The following FUT9 variants were observed in gnomAD, a reference collection of about 807,000 sequenced individuals.
FUT9 encodes the protein fucosyltransferase 9, also known as 4-galactosyl-N-acetylglucosaminide 3-alpha-L-fucosyltransferase 9.
In FUT9, 15 loss-of-function variants were observed where a neutral mutation model predicts 29.7. That is an observed-to-expected ratio of 0.51 (90% CI 0.34 to 0.78). FUT9 has a LOEUF of 0.78. FUT9 is among the 30% of genes least tolerant of loss of function. The pLI is 0.01. For missense variants in FUT9, 319 were observed against 425.4 expected, an observed-to-expected ratio of 0.75 and a Z score of 2.20; for synonymous variants, 169 against 153.7, an observed-to-expected ratio of 1.10 and a Z score of -0.74.
At chr6:96,037,238 C>T (rs1213004561) in intron 1 of FUT9, 1 of 151,894 alleles carries the variant, frequency 6.6e-6, no homozygotes, top group African/African-American at 2.4e-5. Flanking sequence ...GAATCAGTCC[C>T]ATTTTTAGAT....
chr6:96,181,246 T>C lies in FUT9; in HGVS notation c.-8-21902T>C, dbSNP rs1334424335. Among the ~76,000 whole-genome samples the C allele has an allele frequency of 8.6e-5, 13 of 151,974 alleles. No homozygotes were observed. In the Admixed American group the frequency reaches 8.6e-4, roughly 10 times the overall value. ...TGTGTCCAGTATCAAGCTTTACCTG[T>C]AGTTTAAGGATCCAATCAATGAAGA... On this transcript the variant is annotated intron_variant, in intron 2 of 2. Coordinates refer to ENST00000302103, the MANE Select transcript of FUT9 (RefSeq NM_006581.4).
intron 2 of FUT9, among the ~76,000 whole-genome samples, chr6:96,171,876 C>T (rs1773119122): frequency 6.6e-6 from 1 of 152,122 alleles, no homozygotes; most frequent in Non-Finnish European, 1.5e-5. Flanking sequence ...AATTACCTAG[C>T]AGAATAAAGA....
intron 2 of FUT9, among the ~76,000 whole-genome samples, chr6:96,141,622 G>A (rs1040840854): frequency 1.3e-5 from 2 of 152,190 alleles, no homozygotes; most frequent in Non-Finnish European, 2.9e-5. Flanking sequence ...ATTCACAGAC[G>A]CTTGCACTTT....
chr6:96,147,083 C>G (rs928002662), intron 2 of FUT9, among the ~76,000 whole-genome samples: 19 of 152,158 alleles, frequency 1.2e-4, no homozygotes, highest in African/African-American at 4.3e-4. Context: ...CAGGATAAAG[C>G]AACTCTCCCC....
intron 2 of FUT9, among the ~76,000 whole-genome samples, chr6:96,170,546 T>TCACA (rs5878420): frequency 7.9e-4 from 117 of 148,794 alleles, no homozygotes; most frequent in African/African-American, 2.6e-3. Flanking sequence ...AAAATCCCTT[T>TCACA]CACACACACA....
At chr6:96,194,703 ATT>A (rs68110155) in intron 2 of FUT9, among the ~76,000 whole-genome samples, 41 of 150,628 alleles carry the variant, frequency 2.7e-4, no homozygotes, top group South Asian at 1.9e-3. Flanking sequence ...AGAGTTTTGG[ATT>A]TTTTTTTTTT....
intron 2 of FUT9, among the ~76,000 whole-genome samples, chr6:96,146,061 C>T (rs929039769): frequency 2.0e-5 from 3 of 152,068 alleles, no homozygotes; most frequent in Non-Finnish European, 4.4e-5. Context: ...GGGCTGGTCT[C>T]GAACTCCTGG....
intron 1 of FUT9, among the ~76,000 whole-genome samples, chr6:96,018,846 C>T (rs1181718661): frequency 1.3e-5 from 2 of 151,756 alleles, no homozygotes; most frequent in African/African-American, 4.8e-5. Flanking sequence ...AGGCTTCAAC[C>T]CCTTGGAGAC....
At chr6:96,177,429 G>T (rs556384910) in intron 2 of FUT9, among the ~76,000 whole-genome samples, 1 of 152,066 alleles carries the variant, frequency 6.6e-6, no homozygotes, top group South Asian at 2.1e-4. Flanking sequence ...GATAGGTATT[G>T]TTATACTCAT....
chr6:96,192,019 C>T (rs1158321083), intron 2 of FUT9, among the ~76,000 whole-genome samples: 1 of 152,086 alleles, frequency 6.6e-6, no homozygotes, highest in Non-Finnish European at 1.5e-5. Flanking sequence ...ATGCAAAAAA[C>T]TCTCAATAAA....
In FUT9 at chr6:96,211,933, G is replaced by C. The variant is rs773866870; in HGVS notation, c.*7698G>C. The C allele has an allele frequency of 4.2e-5, 17 of 407,838 alleles. No individual in the cohort carries two copies. The highest frequency in any genetic ancestry group is 5.8e-5 in the Non-Finnish European group (13 of 222,936). The allele number at this position is 407,838 out of a possible 1,614,324, so 25.3% of individuals were successfully genotyped here. A position where few individuals can be genotyped will look rare whatever the true frequency, so the allele number is the denominator to read the frequency against. On this transcript the variant is annotated 3_prime_UTR_variant, in exon 3 of 3. Coordinates refer to ENST00000302103, the MANE Select transcript of FUT9 (RefSeq NM_006581.4). ...ATTTTGAATTAGTTGTGTAAGTAAA[G>C]TAAGTTAAGTTATAGCTTGCTGGAA...
chr6:96,159,613 A>G (rs1221654136), intron 2 of FUT9, among the ~76,000 whole-genome samples: 1 of 152,072 alleles, frequency 6.6e-6, no homozygotes, highest in Non-Finnish European at 1.5e-5. Flanking sequence ...TCACTCACAT[A>G]AGGTCTGCCT....
chr6:96,082,210 T>C (rs976054910), intron 1 of FUT9, among the ~76,000 whole-genome samples: 1 of 151,806 alleles, frequency 6.6e-6, no homozygotes, highest in Non-Finnish European at 1.5e-5. Flanking sequence ...TTTTTATTAT[T>C]CTTTAGCAGA....
At chr6:96,180,923 T>C (rs559757542) in intron 2 of FUT9, among the ~76,000 whole-genome samples, 20 of 90,496 alleles carry the variant, frequency 2.2e-4, no homozygotes, top group South Asian at 5.6e-4. Context: ...CCCAACTTAC[T>C]GTTAAGTAAA....
intron 2 of FUT9, among the ~76,000 whole-genome samples, chr6:96,160,404 C>A (rs1315682685): frequency 6.6e-6 from 1 of 152,122 alleles, no homozygotes; most frequent in Admixed American, 6.5e-5. Flanking sequence ...CCATTACTAT[C>A]CATGTTTCTA....
chr6:96,163,245 C>T (rs925189891), intron 2 of FUT9, among the ~76,000 whole-genome samples: 15 of 149,586 alleles, frequency 1.0e-4, no homozygotes, highest in Non-Finnish European at 2.2e-4. Context: ...CTTCTGTTTC[C>T]TTGTTTCAAA....
intron 2 of FUT9, among the ~76,000 whole-genome samples, chr6:96,150,998 G>T (rs995978035): frequency 6.6e-6 from 1 of 152,070 alleles, no homozygotes; most frequent in Admixed American, 6.6e-5. Context: ...CTTTATCAAC[G>T]TGGCTACGGC....
chr6:96,124,228 T>G lies in FUT9; in HGVS notation c.-9+10101T>G, dbSNP rs556624831. ...GTGCAGTGGCACAATCTCAGCTCACTGCAAGCTCCGCCTCCCGGGTTCACA... is the reference window on the plus strand; with the variant it reads ...GTGCAGTGGCACAATCTCAGCTCACGGCAAGCTCCGCCTCCCGGGTTCACA... On this transcript the variant is annotated intron_variant, in intron 2 of 2. Coordinates refer to ENST00000302103, the MANE Select transcript of FUT9 (RefSeq NM_006581.4). Among the ~76,000 whole-genome samples the G allele has an allele frequency of 3.7e-3, 550 of 150,098 alleles. 2 individuals carry two copies. The highest frequency in any genetic ancestry group is 0.013 in the African/African-American group (531 of 40,790).
chr6:96,022,647 G>A (rs1479684243), intron 1 of FUT9, among the ~76,000 whole-genome samples: 1 of 151,854 alleles, frequency 6.6e-6, no homozygotes, highest in East Asian at 1.9e-4. Context: ...AGATGGCACT[G>A]GAGAGCTGGG....
Sources: allele counts gnomAD v4.1 joint callset (sites outside exome capture counted in the v4.1 genomes callset), GRCh38; gene constraint gnomAD v4.1.1; transcripts MANE v1.5; gene names NCBI Gene and HGNC (gene_info 2026-07-23, HGNC 2026-07-21).